Variants in MCPH1 observed in about 807,000 individuals in gnomAD.
MCPH1 encodes the protein microcephalin 1, also known as microcephalin.
Under a neutral mutation model 84.5 loss-of-function variants are expected in MCPH1, and 104 were observed. The observed-to-expected ratio is 1.23, with a 90% CI of 1.05 to 1.45. MCPH1 has a LOEUF of 1.45. Ranked by LOEUF, MCPH1 falls within the 40% of genes most tolerant of loss-of-function variation. MCPH1 has a pLI of 0.00. For missense variants in MCPH1, 1,498 were observed against 1,005.7 expected, an observed-to-expected ratio of 1.49 and a Z score of -6.62; for synonymous variants, 514 against 366.8, an observed-to-expected ratio of 1.40 and a Z score of -4.58.
chr8:6,471,056 T>C (rs1388296495), intron 9 of MCPH1, among the ~76,000 whole-genome samples: 1 of 152,208 alleles, frequency 6.6e-6, no homozygotes, highest in Non-Finnish European at 1.5e-5. Flanking sequence ...TCACCTGCAG[T>C]GCCTATAAAT....
chr8:6,572,900 A>G (rs1826779720), intron 12 of MCPH1, among the ~76,000 whole-genome samples: 1 of 152,246 alleles, frequency 6.6e-6, no homozygotes, highest in Admixed American at 6.5e-5. Context: ...AACAGCAAGA[A>G]TAGTTTCACT....
chr8:6,451,739 T>G (rs1413550881), intron 8 of MCPH1, among the ~76,000 whole-genome samples: 2 of 152,340 alleles, frequency 1.3e-5, no homozygotes, highest in East Asian at 3.9e-4. Context: ...TTTCCAGTCT[T>G]AATATTTTGC....
At chr8:6,613,590 G>A (rs1333796954) in intron 12 of MCPH1, among the ~76,000 whole-genome samples, 1 of 152,012 alleles carries the variant, frequency 6.6e-6, no homozygotes, top group East Asian at 1.9e-4. Flanking sequence ...AAGGGATTCT[G>A]CAGTTCCCCG....
intron 13 of MCPH1, among the ~76,000 whole-genome samples, chr8:6,637,062 G>A (rs188862986): frequency 6.6e-6 from 1 of 152,264 alleles, no homozygotes; most frequent in East Asian, 1.9e-4. Flanking sequence ...TATTAGACTG[G>A]GCTACTTTCT....
At chr8:6,581,190 A>G (rs986990440) in intron 12 of MCPH1, among the ~76,000 whole-genome samples, 6 of 152,210 alleles carry the variant, frequency 3.9e-5, no homozygotes, top group African/African-American at 1.4e-4. Flanking sequence ...CCAAGGGACA[A>G]CTGTGTATTA....
chr8:6,609,292 T>TCA (rs1830040778), intron 12 of MCPH1, among the ~76,000 whole-genome samples: 1 of 152,210 alleles, frequency 6.6e-6, no homozygotes, highest in African/African-American at 2.4e-5. Context: ...ACCCAGAGCA[T>TCA]GAGCGTGTGC....
intron 3 of MCPH1, among the ~76,000 whole-genome samples, chr8:6,421,882 A>G (rs1325254803): frequency 6.6e-6 from 1 of 151,868 alleles, no homozygotes; most frequent in African/African-American, 2.4e-5. Flanking sequence ...CCAAGGCTAC[A>G]CTCTTTCTGC....
intron 9 of MCPH1, among the ~76,000 whole-genome samples, chr8:6,467,136 T>A (rs985309080): frequency 6.6e-6 from 1 of 152,200 alleles, no homozygotes; most frequent in African/African-American, 2.4e-5. Flanking sequence ...TTAAAATAGA[T>A]TTTTGGCATA....
chr8:6,600,164 T>A (rs1829246979), intron 12 of MCPH1, among the ~76,000 whole-genome samples: 1 of 152,260 alleles, frequency 6.6e-6, no homozygotes, highest in African/African-American at 2.4e-5. Context: ...TCCAAAGGAT[T>A]AGGCCAGGAC....
chr8:6,640,847 A>G (rs1326246718), intron 13 of MCPH1, among the ~76,000 whole-genome samples: 2 of 152,194 alleles, frequency 1.3e-5, no homozygotes, highest in African/African-American at 4.8e-5. Flanking sequence ...CACTTACTGT[A>G]TAATGTGAGG....
chr8:6,444,754 G>C lies in MCPH1; in HGVS notation c.1032G>C (p.Leu344Phe). 1.9e-6 allele frequency: 3 copies of C among 1,614,088 alleles called. No individual in the cohort carries two copies. Among genetic ancestry groups the C allele is most frequent in the Non-Finnish European group, 2.5e-6 (3 of 1,179,992 alleles). ...TATCTTCAACAAAAGGCCACCTTTT[G>C]ATACATTCAAGACCCAGGAGTTCCT... ...PTLSSTKGHLLIHSRPRSSSV... is the reference protein window; with the variant it reads ...PTLSSTKGHLFIHSRPRSSSV... The change falls in exon 8 of 14, where the codon TTG becomes TTC. Residue 344 changes from leucine (L) to phenylalanine (F), a missense_variant. By Grantham distance (22) the Leu-to-Phe change is conservative. Coordinates refer to ENST00000344683, the MANE Select transcript of MCPH1 (RefSeq NM_024596.5).
At chr8:6,587,240 A>C (rs1451279313) in intron 12 of MCPH1, among the ~76,000 whole-genome samples, 1 of 152,232 alleles carries the variant, frequency 6.6e-6, no homozygotes, top group Non-Finnish European at 1.5e-5. Context: ...TGGCAAATAC[A>C]GAGCCCTCTC....
chr8:6,479,596 G>A (rs1224728982), intron 10 of MCPH1, among the ~76,000 whole-genome samples: 6 of 151,724 alleles, frequency 4.0e-5, no homozygotes, highest in African/African-American at 1.2e-4. Flanking sequence ...GACCACGCCC[G>A]GCTAATTTTT....
intron 12 of MCPH1, among the ~76,000 whole-genome samples, chr8:6,573,539 C>T (rs1201492790): frequency 6.6e-6 from 1 of 152,184 alleles, no homozygotes; most frequent in Non-Finnish European, 1.5e-5. Flanking sequence ...ATATTCTGCT[C>T]AAACTTATGT....
At chr8:6,472,109 C>T (rs940361109) in intron 9 of MCPH1, among the ~76,000 whole-genome samples, 1 of 152,102 alleles carries the variant, frequency 6.6e-6, no homozygotes, top group Non-Finnish European at 1.5e-5. Flanking sequence ...GTGGATGTTG[C>T]ATCTAATTTA....
At chr8:6,462,793 T>C (rs1315961817) in intron 9 of MCPH1, among the ~76,000 whole-genome samples, 3 of 152,234 alleles carry the variant, frequency 2.0e-5, no homozygotes, top group African/African-American at 7.2e-5. Context: ...AGTTGAAACA[T>C]GCAAAGAGTT....
chr8:6,547,601 A>C (rs574877225), intron 12 of MCPH1, among the ~76,000 whole-genome samples: 1 of 152,158 alleles, frequency 6.6e-6, no homozygotes, highest in Non-Finnish European at 1.5e-5. Context: ...TGGCTGACTC[A>C]CTTGCCTCAT....
rs534561036 is a variant in MCPH1 at position 6,550,313 on chromosome 8, G to A, written c.2214+50384G>A. Among the ~76,000 whole-genome samples, 22 of 152,284 alleles carry A rather than the reference G, an allele frequency of 1.4e-4. No homozygotes were observed. In the East Asian group the frequency reaches 3.9e-3, roughly 27 times the overall value. ...CCCCGGGGCATCTGCCTCTCCCTATGTGTGTGGGTCCTGGGAGTGAGGCAG... is the reference window on the plus strand; with the variant it reads ...CCCCGGGGCATCTGCCTCTCCCTATATGTGTGGGTCCTGGGAGTGAGGCAG... On this transcript the variant is annotated intron_variant, in intron 12 of 13. Coordinates refer to ENST00000344683, the MANE Select transcript of MCPH1 (RefSeq NM_024596.5).
chr8:6,486,173 A>T (rs936750321), intron 11 of MCPH1, among the ~76,000 whole-genome samples: 4 of 152,228 alleles, frequency 2.6e-5, no homozygotes, highest in African/African-American at 9.6e-5. Flanking sequence ...ATAACTTCAG[A>T]TATAAACTTC....
Sources: gnomAD v4.1 joint callset for allele counts (sites outside exome capture counted in the v4.1 genomes callset) on GRCh38, gnomAD v4.1.1 for gene constraint, MANE v1.5 for transcripts, NCBI Gene and HGNC (gene_info 2026-07-23, HGNC 2026-07-21) for gene names.